Variants in MTMR9 observed in about 807,000 individuals in gnomAD.
MTMR9 encodes the protein myotubularin related protein 9, also known as myotubularin-related protein 9.
In MTMR9, 39 loss-of-function variants were observed where a neutral mutation model predicts 69.5. The ratio of observed to expected loss-of-function variants is 0.56; its 90% confidence interval spans 0.43 to 0.73. MTMR9 has a LOEUF of 0.73. Ranked by LOEUF, MTMR9 falls within the 30% of genes least tolerant of loss-of-function variation. MTMR9 has a pLI of 0.00. For missense variants in MTMR9, 900 were observed against 671.2 expected, an observed-to-expected ratio of 1.34 and a Z score of -3.77; for synonymous variants, 354 against 240.8, an observed-to-expected ratio of 1.47 and a Z score of -4.35.
chr8:11,336,057 C>T, the MTMR9 span, among the ~76,000 whole-genome samples: 7 of 152,320 alleles, frequency 4.6e-5, no homozygotes, highest in African/African-American at 1.4e-4. Context: ...AGAATATATA[C>T]ATTTTGGTGA....
chr8:11,295,424 A>G (rs1180000509), intron 2 of MTMR9, 122 bp downstream of exon 2: 4 of 677,140 alleles, frequency 5.9e-6, no homozygotes, highest in Non-Finnish European at 1.0e-5. Flanking sequence ...GAAGACTGAT[A>G]GGAAAAGCCT....
At chr8:11,295,453 T>C (rs1799521627) in intron 2 of MTMR9, 151 bp downstream of exon 2, 1 of 589,162 alleles carries the variant, frequency 1.7e-6, no homozygotes, top group Non-Finnish European at 3.0e-6. Context: ...TTCATCGTCA[T>C]ATGAGTGTAA....
intron 1 of MTMR9, among the ~76,000 whole-genome samples, chr8:11,291,459 C>CA (rs1283177121): frequency 6.6e-6 from 1 of 152,010 alleles, no homozygotes; most frequent in Non-Finnish European, 1.5e-5. Context: ...ACAATAAGGA[C>CA]AAAATGATAA....
chr8:11,308,536 C>G lies in MTMR9; in HGVS notation c.810-991C>G, dbSNP rs763301389. Among the ~76,000 whole-genome samples, 52 of 152,044 alleles carry G rather than the reference C, an allele frequency of 3.4e-4. 1 individual carries two copies. The highest frequency in any genetic ancestry group is 8.8e-5 in the Non-Finnish European group (6 of 67,998). ...TTTAATCTCCTTACTCATTATTGGT[C>G]TGTTCATATTTTCTTTCTTCATGAC... On this transcript the variant is annotated intron_variant, in intron 5 of 9. Coordinates refer to ENST00000221086, the MANE Select transcript of MTMR9 (RefSeq NM_015458.4).
chr8:11,300,771 A>C (rs982636591), intron 3 of MTMR9: 1 of 152,344 alleles, frequency 6.6e-6, no homozygotes, highest in African/African-American at 2.4e-5. Flanking sequence ...AACAAAAGAA[A>C]TTCAAGGTCT....
chr8:11,314,496 C>A (rs1223073987), intron 6 of MTMR9, among the ~76,000 whole-genome samples: 1 of 152,050 alleles, frequency 6.6e-6, no homozygotes, highest in Admixed American at 6.5e-5. Context: ...AAGGTAGAGT[C>A]AAAGTCAGAA....
intron 1 of MTMR9, among the ~76,000 whole-genome samples, chr8:11,287,097 C>A (rs1457271156): frequency 6.6e-6 from 1 of 152,170 alleles, no homozygotes; most frequent in Non-Finnish European, 1.5e-5. Flanking sequence ...TTAACCATTT[C>A]GACCGCTACC....
chr8:11,323,734 A>C lies in MTMR9; in HGVS notation c.*946A>C, dbSNP rs1294922508. The C allele has an allele frequency of 1.3e-5, 2 of 152,078 alleles. No homozygotes were observed. Among genetic ancestry groups the C allele is most frequent in the Non-Finnish European group, 2.9e-5 (2 of 67,988 alleles). The allele number at this position is 152,078 out of a possible 1,614,324, so 9.4% of individuals were successfully genotyped here. On this transcript the variant is annotated 3_prime_UTR_variant, in exon 10 of 10. Coordinates refer to ENST00000221086, the MANE Select transcript of MTMR9 (RefSeq NM_015458.4). ...TGTGTGTTTTATTGTGTGTTTTTTTAATTTGTAAGTATTCTAAGAGTTTCC... is the reference window on the plus strand; with the variant it reads ...TGTGTGTTTTATTGTGTGTTTTTTTCATTTGTAAGTATTCTAAGAGTTTCC...
intron 6 of MTMR9, among the ~76,000 whole-genome samples, chr8:11,312,163 G>A (rs892898535): frequency 2.0e-5 from 3 of 151,882 alleles, no homozygotes; most frequent in Non-Finnish European, 2.9e-5. Context: ...TCCCACCTCA[G>A]CCTCCCAAAT....
chr8:11,293,912 A>G (rs1361632137), intron 1 of MTMR9, among the ~76,000 whole-genome samples: 2 of 152,282 alleles, frequency 1.3e-5, no homozygotes, highest in East Asian at 3.9e-4. Flanking sequence ...TGTTATCATC[A>G]TGTCATTTTC....
At chr8:11,287,674 A>G (rs1799210566) in intron 1 of MTMR9, among the ~76,000 whole-genome samples, 1 of 141,348 alleles carries the variant, frequency 7.1e-6, no homozygotes, top group South Asian at 2.1e-4. Context: ...TTTATTAGAT[A>G]TATTTATATT....
chr8:11,318,086 A>T (rs910834408), intron 8 of MTMR9: 10 of 152,218 alleles, frequency 6.6e-5, no homozygotes, highest in African/African-American at 2.4e-4. Context: ...TATAAGTTTA[A>T]TTCAGCATTT....
downstream of MTMR9, chr8:11,332,248 C>A (rs1423019337): frequency 2.9e-6 from 4 of 1,397,156 alleles, no homozygotes; most frequent in Non-Finnish European, 3.8e-6. Flanking sequence ...GAAAGTCTAA[C>A]TTCCATAGCA....
Position 11,298,696 on chromosome 8 carries a change from G to C in MTMR9, c.292-1327G>C, listed in dbSNP as rs79216351. The C allele has an allele frequency of 0.011, 9,800 of 886,098 alleles. 859 individuals are homozygous for C. The African/African-American group carries it at 0.17, about 15-fold the overall frequency. The allele number at this position is 886,098 out of a possible 1,614,324, so 54.9% of individuals were successfully genotyped here. On this transcript the variant is annotated intron_variant, in intron 2 of 9. Coordinates refer to ENST00000221086, the MANE Select transcript of MTMR9 (RefSeq NM_015458.4). The stretch of plus-strand genomic sequence containing the variant: ...TCCTGCAGTTTGAATTATGCTAATT[G>C]ATATGGTATCCTTTCCCCGCTGCAC...
the MTMR9 span, among the ~76,000 whole-genome samples, chr8:11,336,794 C>T: frequency 1.3e-5 from 2 of 152,158 alleles, no homozygotes. Flanking sequence ...TGAAAGGGAT[C>T]GGAATCACCT....
rs947836234 is a variant in MTMR9, at chr8:11,306,303, C to T, written c.705C>T (p.Asp235=). Residue 235 remains aspartate (D), a synonymous_variant, in exon 5 of 10, where the codon GAC becomes GAT. Transcript: ENST00000221086. ...CTGGAAAGCGTGGCTACATCATTGA[C>T]ACCCGATCCCTGAACGTGGCTCAGC... ...LRAGKRGYII[D]TRSLNVAQQT... 3 of 1,614,094 alleles carry T rather than the reference C, an allele frequency of 1.9e-6. No homozygotes were observed. The highest frequency in any genetic ancestry group is 1.7e-6 in the Non-Finnish European group (2 of 1,179,972).
intron 6 of MTMR9, among the ~76,000 whole-genome samples, chr8:11,311,213 A>T (rs1800184406): frequency 6.6e-6 from 1 of 152,224 alleles, no homozygotes; most frequent in African/African-American, 2.4e-5. Flanking sequence ...GGTTAGCCTA[A>T]CCATAAGTGA....
the MTMR9 span, among the ~76,000 whole-genome samples, chr8:11,337,101 C>T: frequency 6.6e-6 from 1 of 152,188 alleles, no homozygotes; most frequent in Non-Finnish European, 1.5e-5. Context: ...AGGCTACATA[C>T]AGCATTCTTA....
At chr8:11,328,791 T>C (rs1464514697), downstream of MTMR9, among the ~76,000 whole-genome samples, 1 of 152,208 alleles carries the variant, frequency 6.6e-6, no homozygotes, top group Non-Finnish European at 1.5e-5. Context: ...TCACCTTATT[T>C]CAGGAAAAGT....
Sources: gnomAD v4.1 joint callset for allele counts (sites outside exome capture counted in the v4.1 genomes callset) on GRCh38, gnomAD v4.1.1 for gene constraint, MANE v1.5 for transcripts, NCBI Gene and HGNC (gene_info 2026-07-23, HGNC 2026-07-21) for gene names.